IDUA: variants seen among roughly 807,000 people sequenced by gnomAD.
IDUA encodes the protein alpha-L-iduronidase, also known as iduronidase alpha-L-.
A neutral mutation model predicts 68.9 loss-of-function variants in IDUA; 65 were observed. That is an observed-to-expected ratio of 0.94 (90% CI 0.77 to 1.16). The LOEUF (loss-of-function observed/expected upper bound fraction) is 1.16. Ranked by LOEUF, IDUA falls within the 50% of genes most tolerant of loss-of-function variation. IDUA has a pLI of 0.00. For missense variants in IDUA, 1,046 were observed against 938.0 expected (o/e 1.12, Z -1.50); for synonymous variants, 529 against 433.6 (o/e 1.22, Z -2.73).
At position 1,003,850 on chromosome 4, in the gene IDUA, C is replaced by T. The variant is rs142440465; in HGVS notation, c.1728-162C>T. ...GGACATGAGATGGACATTCGGGCTC[C>T]AGCCCTCTCCTGCCTGGGCAGGAAG... On this transcript the variant is annotated intron_variant, in intron 12 of 13. Coordinates refer to ENST00000514224, the MANE Select transcript of IDUA (RefSeq NM_000203.5). 1.4e-4 allele frequency: 111 copies of T among 815,742 alleles called. No homozygotes were observed. In the Middle Eastern group the frequency reaches 2.4e-3, roughly 18 times the overall value. The allele number at this position is 815,742 out of a possible 1,614,324, so 50.5% of individuals were successfully genotyped here. A position where few individuals can be genotyped will look rare whatever the true frequency, so the allele number is the denominator to read the frequency against.
intron 2 of IDUA, chr4:988,813 G>A (rs1168694329): frequency 1.3e-6 from 2 of 1,544,394 alleles, no homozygotes; most frequent in East Asian, 4.7e-5. Flanking sequence ...AGCAGAGGCT[G>A]CTGGGCAGGC....
intron 1 of IDUA, 138 bp downstream of exon 1, chr4:987,380 G>GT: frequency 1.1e-6 from 1 of 909,512 alleles, no homozygotes; most frequent in Non-Finnish European, 1.6e-6. Flanking sequence ...GCCCCCCGCC[G>GT]TGTTTGTGGG....
chr4:991,646 G>A, intron 2 of IDUA: 4 of 1,554,960 alleles, frequency 2.6e-6, no homozygotes, highest in Non-Finnish European at 3.5e-6. Context: ...GCTGGGCGCT[G>A]CCGTCGGACC....
rs150763745 is a variant in IDUA, at chr4:1,001,468, G to A, written c.494G>A (p.Gly165Asp). ...LVSSLARRYI[G>D]RYGLAHVSKW... Reference sequence around the variant, plus strand: ...GGGGGACAGCAAGGCTCCTCTGCAGGTAGGTACGGACTGGCGCATGTTTCC... The same window carrying A: ...GGGGGACAGCAAGGCTCCTCTGCAGATAGGTACGGACTGGCGCATGTTTCC... Residue 165 changes from glycine to aspartate, a missense_variant and splice_region_variant, in exon 5 of 14, where the codon GGT becomes GAT. Physicochemically the swap from Gly to Asp is moderately conservative, Grantham distance 94. Coordinates refer to ENST00000514224, the MANE Select transcript of IDUA (RefSeq NM_000203.5). 6.2e-5 allele frequency: 100 copies of A among 1,612,840 alleles called. No individual in the cohort carries two copies. In the African/African-American group the frequency reaches 1.3e-3, roughly 20 times the overall value.
At position 987,917 on chromosome 4, in the gene IDUA, G is replaced by C; in HGVS notation, c.267G>C (p.Arg89=). The C allele has an allele frequency of 1.2e-6, 2 of 1,601,300 alleles. No homozygotes were observed. Among genetic ancestry groups the C allele is most frequent in the Non-Finnish European group, 1.7e-6 (2 of 1,174,594 alleles). Reference sequence around the variant, plus strand: ...CTCACCGCGGCATCAAGCAGGTCCGGACCCACTGGCTGCTGGAGCTTGTCA... The same window carrying C: ...CTCACCGCGGCATCAAGCAGGTCCGCACCCACTGGCTGCTGGAGCTTGTCA... The part of the protein sequence containing the change: ...AVPHRGIKQV[R]THWLLELVTT... Residue 89 remains arginine (R), a synonymous_variant, in exon 2 of 14, where the codon CGG becomes CGC. Coordinates refer to ENST00000514224, the MANE Select transcript of IDUA (RefSeq NM_000203.5).
At chr4:1,002,182 GC>G (rs1263695618) in intron 7 of IDUA, 21 bp downstream of exon 7, 5 of 1,559,096 alleles carry the variant, frequency 3.2e-6, no homozygotes, top group Non-Finnish European at 4.3e-6. Flanking sequence ...CCAACGCCCT[GC>G]GCGCCCCCCG....
At chr4:990,156 C>G in intron 2 of IDUA, 1 of 1,564,410 alleles carries the variant, frequency 6.4e-7, no homozygotes, top group Non-Finnish European at 8.7e-7. Flanking sequence ...CCACGTCGCA[C>G]ACGTTGGCCT....
chr4:988,573 C>A, intron 2 of IDUA: 1 of 1,327,340 alleles, frequency 7.5e-7, no homozygotes, highest in Non-Finnish European at 9.6e-7. Flanking sequence ...AGCTGAGGGA[C>A]GGTGCATTGG....
chr4:991,285 T>C, intron 2 of IDUA: 2 of 1,612,560 alleles, frequency 1.2e-6, no homozygotes, highest in Non-Finnish European at 1.7e-6. Flanking sequence ...CAGCTGGAGC[T>C]CCCGGTCCAC....
chr4:995,822 T>G (rs1404874266), intron 2 of IDUA, among the ~76,000 whole-genome samples: 1 of 152,216 alleles, frequency 6.6e-6, no homozygotes, highest in East Asian at 1.9e-4. Context: ...CAGGGAAGAC[T>G]GGGCTGCAGT....
intron 5 of IDUA, 23 bp downstream of exon 5, chr4:1,001,586 C>G: frequency 6.2e-7 from 1 of 1,612,054 alleles, no homozygotes; most frequent in African/African-American, 1.3e-5. Flanking sequence ...TCCTGGGGTC[C>G]TGCCCGGCTG....
chr4:996,376 A>T lies in IDUA; in HGVS notation c.300-4236A>T, dbSNP rs545095769. On this transcript the variant is annotated intron_variant, in intron 2 of 13. Coordinates refer to ENST00000514224, the MANE Select transcript of IDUA (RefSeq NM_000203.5). ...GGTCTCCCTAAAGGAGGCAGGGAGG[A>T]CCTGGGTGCTACAGCAGGGGTGGGG... is the stretch of plus-strand genomic sequence containing the variant. Among the ~76,000 whole-genome samples the T allele has an allele frequency of 2.8e-4, 42 of 152,126 alleles. 1 individual carries two copies. In the East Asian group the frequency reaches 5.5e-3, roughly 20 times the overall value.
At position 1,002,277 on chromosome 4, in the gene IDUA, G is replaced by T. The variant is rs372379342; in HGVS notation, c.981G>T (p.Ala327=). 5.4e-5 allele frequency: 87 copies of T among 1,611,130 alleles called. No homozygotes were observed. The highest frequency in any genetic ancestry group is 7.2e-5 in the Non-Finnish European group (85 of 1,179,078). Residue 327 remains alanine, a synonymous_variant, in exon 8 of 14, where the codon GCG becomes GCT. Transcript: ENST00000514224. ...TYAAMVVKVI[A]QHQNLLLANT... ...GCCCTGGACACCCGCAGGTCATCGC[G>T]CAGCATCAGAACCTGCTACTGGCCA...
intron 2 of IDUA, 140 bp downstream of exon 2, chr4:988,089 C>T: frequency 6.9e-7 from 1 of 1,451,606 alleles, no homozygotes; most frequent in Non-Finnish European, 9.1e-7. Flanking sequence ...CGTGTCCTTG[C>T]TGGCTGTGCT....
Position 1,003,140 on chromosome 4 carries a change from C to T in IDUA, c.1507C>T (p.Arg503Cys), listed in dbSNP as rs1047330206. The change falls in exon 10 of 14, where the codon CGC becomes TGC. Residue 503 changes from arginine to cysteine, a missense_variant. Transcript: ENST00000514224. ...CTTCCCCACGGCAGAGCAGTTCCGGCGCATGCGCGCGGCTGAGGTAGGTGG... is the reference window on the plus strand; with the variant it reads ...CTTCCCCACGGCAGAGCAGTTCCGGTGCATGCGCGCGGCTGAGGTAGGTGG... ...PVFPTAEQFR[R>C]MRAAEDPVAA... 12 of 1,444,962 alleles carry T rather than the reference C, an allele frequency of 8.3e-6. No individual in the cohort carries two copies. In the African/African-American group the frequency reaches 1.0e-4, roughly 12 times the overall value. 89.5% of individuals were successfully genotyped at this position (1,444,962 alleles called of 1,614,324 possible). A position where few individuals can be genotyped will look rare whatever the true frequency, so the allele number is the denominator to read the frequency against.
At chr4:988,153 C>A in intron 2 of IDUA, 1 of 1,400,520 alleles carries the variant, frequency 7.1e-7, no homozygotes. Flanking sequence ...GGTGGGCTTC[C>A]TGCAGGTCTC....
In IDUA at chr4:989,272, T is replaced by C. The variant is rs3796622; in HGVS notation, c.299+1323T>C. The stretch of plus-strand genomic sequence containing the variant: ...CAGCCCCGTGAGGCTGTAGAGTGAC[T>C]GCAGGAAGAAGTCCTTGTTGGCATA... On this transcript the variant is annotated intron_variant, in intron 2 of 13. Transcript: ENST00000514224. 0.65 allele frequency: 1,053,214 copies of C among 1,612,356 alleles called. 345,188 individuals are homozygous for C. The highest frequency in any genetic ancestry group is 0.72 in the South Asian group (65,448 of 91,072).
intron 2 of IDUA, among the ~76,000 whole-genome samples, chr4:992,477 T>G (rs1486785025): frequency 6.6e-6 from 1 of 152,202 alleles, no homozygotes; most frequent in Non-Finnish European, 1.5e-5. Context: ...CCGCCTGGAC[T>G]TGGGACAGAA....
rs745915863 is a variant in IDUA, at chr4:1,004,259, G to A, written c.1829-1G>A. 25 of 1,609,788 alleles carry A rather than the reference G, an allele frequency of 1.6e-5. No individual in the cohort carries two copies. The highest frequency in any genetic ancestry group is 5.0e-5 in the Admixed American group (3 of 59,980). ...TGGCACACATGTCCCCTTGTCTCCA[G>A]ACACAGGTGCTGTCTCTGGCTCCTA... On this transcript the variant is annotated splice_acceptor_variant, in intron 13 of 13. Transcript: ENST00000514224. LOFTEE classifies it high-confidence loss of function. The surrounding 1 kb of genome is among the most constrained non-coding windows in gnomAD (Gnocchi z 5.0).
Sources: allele counts gnomAD v4.1 joint callset (sites outside exome capture counted in the v4.1 genomes callset), GRCh38; gene constraint gnomAD v4.1.1; non-coding constraint Gnocchi (gnomAD v3.1); transcripts MANE v1.5; gene names NCBI Gene and HGNC (gene_info 2026-07-23, HGNC 2026-07-21).